PCM1: variants seen among roughly 807,000 people sequenced by gnomAD.
PCM1 encodes the protein pericentriolar material 1, also known as pericentriolar material 1 protein.
PCM1 carries 157 observed loss-of-function variants against 241.9 expected under a neutral mutation model. The ratio of observed to expected loss-of-function variants is 0.65; its 90% CI spans 0.57 to 0.74. The LOEUF is 0.74. Among genes scored for constraint, PCM1 ranks in the 30% least tolerant of loss-of-function variants. PCM1 has a pLI of 0.00. For missense variants in PCM1, 3,478 were observed against 2,360.1 expected, an observed-to-expected ratio of 1.47 and a Z score of -9.81; for synonymous variants, 1,085 against 784.9, an observed-to-expected ratio of 1.38 and a Z score of -6.39.
intron 16 of PCM1, 119 bp downstream of exon 16, chr8:17,962,293 T>C: frequency 1.4e-6 from 1 of 722,172 alleles, no homozygotes; most frequent in East Asian, 3.1e-5. Context: ...TTGTAAATAG[T>C]AGTCTGCTTT....
In PCM1 at chr8:18,014,494, C is replaced by G. The variant is rs1056652164; in HGVS notation, c.5585-90C>G. The G allele has an allele frequency of 5.9e-6, 6 of 1,010,498 alleles. No homozygotes were observed. In the African/African-American group the frequency reaches 9.8e-5, roughly 16 times the overall value. 62.6% of individuals were successfully genotyped at this position (1,010,498 alleles called of 1,614,324 possible). On this transcript the variant is annotated intron_variant, in intron 35 of 38. Transcript: ENST00000325083. ...TTTGGTCTTAAATATCTTGATTGCT[C>G]TTATTCAGGCGTATTGTCTTTATTA...
intron 15 of PCM1, among the ~76,000 whole-genome samples, chr8:17,961,652 A>C (rs2072212476): frequency 6.6e-6 from 1 of 152,144 alleles, no homozygotes; most frequent in Non-Finnish European, 1.5e-5. Flanking sequence ...GTTTTCAAAG[A>C]AAGGAAAACA....
At chr8:17,977,019 G>A (rs2079012815) in intron 23 of PCM1, among the ~76,000 whole-genome samples, 1 of 151,958 alleles carries the variant, frequency 6.6e-6, no homozygotes, top group Admixed American at 6.6e-5. Flanking sequence ...CACATTAAGT[G>A]CATTTTAATT....
At position 17,980,618 on chromosome 8, in the gene PCM1, C is replaced by T. The variant is rs1398929506; in HGVS notation, c.3971C>T (p.Thr1324Ile). The T allele has an allele frequency of 2.5e-6, 4 of 1,612,270 alleles. No individual in the cohort carries two copies. In the East Asian group the frequency reaches 8.9e-5, roughly 36 times the overall value. ...TATGAAAGTGCCAGTATGTCTAGCA[C>T]ATGTGAACCTTGCAAAAGTAGGAAC... ...IRYESASMSSTCEPCKSRNRH... is the reference protein window; with the variant it reads ...IRYESASMSSICEPCKSRNRH... Residue 1324 changes from threonine to isoleucine, a missense_variant, in exon 24 of 39, where the codon ACA (threonine) becomes ATA (isoleucine). Thr to Ile is a moderately conservative substitution (Grantham distance 89). Transcript: ENST00000325083.
intron 29 of PCM1, among the ~76,000 whole-genome samples, chr8:17,993,865 C>T (rs2085654512): frequency 1.3e-5 from 2 of 152,002 alleles, no homozygotes; most frequent in Non-Finnish European, 1.5e-5. Flanking sequence ...TTTTCTGCTG[C>T]ATTTTTTCAG....
At chr8:17,996,735 T>C (rs1294011687) in intron 29 of PCM1, among the ~76,000 whole-genome samples, 1 of 152,186 alleles carries the variant, frequency 6.6e-6, no homozygotes, top group Non-Finnish European at 1.5e-5. Context: ...TACTGTCTTA[T>C]AACTCAGTAT....
rs983659127 is a variant in PCM1 at position 17,939,706 on chromosome 8, G to C, written c.628G>C (p.Val210Leu). Residue 210 changes from valine (V) to leucine (L), a missense_variant, in exon 6 of 39, where the codon GTT (valine) becomes CTT (leucine). Val to Leu is a conservative substitution (Grantham distance 32). Transcript: ENST00000325083. ...MESSQIVSRL[V>L]QIRDYITKAS... ...TCCCCTGCAGATTGTAAGCAGGCTTGTTCAAATTCGCGATTATATTACTAA... is the reference window on the plus strand; with the variant it reads ...TCCCCTGCAGATTGTAAGCAGGCTTCTTCAAATTCGCGATTATATTACTAA... 3 of 1,536,338 alleles carry C rather than the reference G, an allele frequency of 2.0e-6. No homozygotes were observed. Among genetic ancestry groups the C allele is most frequent in the African/African-American group, 2.8e-5 (2 of 72,508 alleles).
rs769725634 is a variant in PCM1, at chr8:18,025,602, T to C, written c.5993T>C (p.Ile1998Thr). 2.5e-6 allele frequency: 4 copies of C among 1,584,978 alleles called. No homozygotes were observed. In the South Asian group the frequency reaches 4.6e-5, roughly 18 times the overall value. Residue 1998 changes from isoleucine (I) to threonine (T), a missense_variant, in exon 38 of 39, where the codon ATA becomes ACA. Physicochemically the swap from Ile to Thr is moderately conservative, Grantham distance 89. Transcript: ENST00000325083. ...CAGAAAAACCATTTATCTGGTGAAA[T>C]ATGTGAAATGCAGACCGAAGAATTA... is the stretch of plus-strand genomic sequence containing the variant. ...EEQKNHLSGE[I>T]CEMQTEELAG...
intron 15 of PCM1, among the ~76,000 whole-genome samples, chr8:17,960,858 A>G (rs1375583474): frequency 6.6e-6 from 1 of 152,000 alleles, no homozygotes; most frequent in African/African-American, 2.4e-5. Flanking sequence ...ATATCTAGTA[A>G]TTTTGTGATT....
At chr8:17,930,226 G>A (rs758122097) in intron 2 of PCM1, among the ~76,000 whole-genome samples, 6 of 149,442 alleles carry the variant, frequency 4.0e-5, no homozygotes, top group Admixed American at 6.7e-5. Flanking sequence ...TCAGCCTCCC[G>A]AGTAGCTGGG....
chr8:18,019,626 G>A (rs1379422624), intron 36 of PCM1, among the ~76,000 whole-genome samples: 4 of 152,162 alleles, frequency 2.6e-5, no homozygotes, highest in Non-Finnish European at 5.9e-5. Context: ...TCTCTGGCAT[G>A]AGCAGTTCAC....
intron 21 of PCM1, among the ~76,000 whole-genome samples, chr8:17,968,459 C>G (rs550246768): frequency 5.9e-5 from 9 of 152,226 alleles, no homozygotes; most frequent in African/African-American, 2.2e-4. Flanking sequence ...AGAATGATAG[C>G]TTGGCCTTAG....
At chr8:17,936,022 C>T (rs1287411174) in intron 3 of PCM1, among the ~76,000 whole-genome samples, 1 of 152,102 alleles carries the variant, frequency 6.6e-6, no homozygotes, top group African/African-American at 2.4e-5. Context: ...TTTTCACCAC[C>T]CTAACTCTGC....
At chr8:17,981,497 A>G (rs1357088906) in intron 24 of PCM1, among the ~76,000 whole-genome samples, 1 of 152,112 alleles carries the variant, frequency 6.6e-6, no homozygotes, top group Non-Finnish European at 1.5e-5. Context: ...AAGCACCAGT[A>G]GTTTCCTAAT....
intron 10 of PCM1, 34 bp from the exon 11 acceptor site, chr8:17,956,570 T>A (rs749661461): frequency 7.4e-7 from 1 of 1,345,140 alleles, no homozygotes; most frequent in Non-Finnish European, 1.0e-6. Context: ...CTAAAATGGG[T>A]GTAAATCGTA....
In PCM1 at chr8:18,027,642, G is replaced by C; in HGVS notation, c.6055G>C (p.Val2019Leu). 6.3e-7 allele frequency: 1 copy of C among 1,578,124 alleles called. No homozygotes were observed. Among genetic ancestry groups the C allele is most frequent in the African/African-American group, 1.3e-5 (1 of 74,696 alleles). Residue 2019 changes from valine (V) to leucine (L), a missense_variant, in exon 39 of 39, where the codon GTG becomes CTG. Transcript: ENST00000325083. Reference sequence around the variant, plus strand: ...ATTTTTATTCTGTTTTTCAGAAACGGTGGGAGCCCAGAGTATATGAGATGT... The same window carrying C: ...ATTTTTATTCTGTTTTTCAGAAACGCTGGGAGCCCAGAGTATATGAGATGT... Reference protein sequence around the residue: ...NSETLKEPETVGAQSI With the variant: ...NSETLKEPETLGAQSI
chr8:17,956,836 T>C, intron 11 of PCM1, 59 bp downstream of exon 11: 14 of 1,287,932 alleles, frequency 1.1e-5, no homozygotes, highest in Non-Finnish European at 1.4e-5. Flanking sequence ...ATACTTATAA[T>C]GTGGGAACAA....
chr8:18,005,169 A>G (rs1360082862), intron 29 of PCM1, among the ~76,000 whole-genome samples: 4 of 152,112 alleles, frequency 2.6e-5, no homozygotes. Context: ...CTTTTTAAAA[A>G]TATTTATTTA....
intron 6 of PCM1, among the ~76,000 whole-genome samples, chr8:17,946,655 C>G (rs146646938): frequency 2.6e-5 from 4 of 152,094 alleles, no homozygotes; most frequent in Middle Eastern, 3.2e-3. Context: ...CACCGCCACA[C>G]CCGGCTAATT....
Sources: allele counts gnomAD v4.1 joint callset (sites outside exome capture counted in the v4.1 genomes callset), GRCh38; gene constraint gnomAD v4.1.1; transcripts MANE v1.5; gene names NCBI Gene and HGNC (gene_info 2026-07-23, HGNC 2026-07-21).